SOX6: variants seen among roughly 807,000 people sequenced by gnomAD.
SOX6 encodes the protein transcription factor SOX-6.
SOX6 carries 11 observed loss-of-function variants against 97.8 expected under a neutral mutation model. That is an observed-to-expected ratio of 0.11 (90% CI 0.07 to 0.19). The LOEUF is 0.19. Ranked by LOEUF, SOX6 falls within the 10% of genes least tolerant of loss-of-function variation. The pLI is 1.00. For synonymous variants in SOX6, 360 were observed against 371.4 expected (o/e 0.97, Z 0.35); for missense variants, 810 against 1,039.5 (o/e 0.78, Z 3.04).
chr11:16,104,096 T>C (rs971986541), intron 7 of SOX6, among the ~76,000 whole-genome samples: 19 of 152,010 alleles, frequency 1.2e-4, no homozygotes, highest in African/African-American at 2.4e-4. Flanking sequence ...GTTAAGATTA[T>C]AGACCTTTAA....
chr11:16,006,440 A>G (rs1394872210), intron 13 of SOX6, among the ~76,000 whole-genome samples: 1 of 152,098 alleles, frequency 6.6e-6, no homozygotes, highest in African/African-American at 2.4e-5. Flanking sequence ...AAGTGTGTGC[A>G]AGGCTTTGTG....
intron 15 of SOX6, among the ~76,000 whole-genome samples, chr11:15,979,562 C>T (rs946991423): frequency 2.6e-5 from 4 of 152,262 alleles, no homozygotes; most frequent in African/African-American, 7.2e-5. Context: ...CTTTTCATAA[C>T]TTGGTTCCTT....
chr11:16,644,323 C>T (rs1314945494), intron 3 of SOX6, among the ~76,000 whole-genome samples: 1 of 152,106 alleles, frequency 6.6e-6, no homozygotes, highest in Non-Finnish European at 1.5e-5. Flanking sequence ...TACATATCAC[C>T]CACCATACCT....
intron 1 of SOX6, among the ~76,000 whole-genome samples, chr11:16,737,496 G>T (rs1029879370): frequency 1.3e-5 from 2 of 150,942 alleles, no homozygotes; most frequent in Admixed American, 6.6e-5. Context: ...CTGAGCCATG[G>T]CGCCAGGCCT....
intron 1 of SOX6, among the ~76,000 whole-genome samples, chr11:16,475,453 G>T (rs1169673431): frequency 6.6e-6 from 1 of 151,992 alleles, no homozygotes; most frequent in Non-Finnish European, 1.5e-5. Context: ...GTTATTAATT[G>T]GCCCAATTTC....
chr11:16,090,966 G>A (rs1482708848), intron 9 of SOX6, among the ~76,000 whole-genome samples: 1 of 152,026 alleles, frequency 6.6e-6, no homozygotes, highest in Non-Finnish European at 1.5e-5. Flanking sequence ...TAAGAACCCT[G>A]AGAATGTATA....
At chr11:16,275,699 T>C (rs1330777991) in intron 3 of SOX6, among the ~76,000 whole-genome samples, 2 of 152,164 alleles carry the variant, frequency 1.3e-5, no homozygotes, top group Non-Finnish European at 2.9e-5. Context: ...GAGATAGCAA[T>C]AGAGTTGGAA....
intron 4 of SOX6, among the ~76,000 whole-genome samples, chr11:16,586,512 T>C (rs951763739): frequency 1.3e-5 from 2 of 152,050 alleles, no homozygotes; most frequent in Non-Finnish European, 2.9e-5. Flanking sequence ...AGAAAAAAGA[T>C]AGCCTGGGCA....
chr11:16,354,383 T>C (rs150551254), intron 1 of SOX6, among the ~76,000 whole-genome samples: 27 of 152,064 alleles, frequency 1.8e-4, no homozygotes, highest in Middle Eastern at 6.8e-3. Flanking sequence ...TAAATAAAAA[T>C]TCCACGGAAT....
chr11:16,315,600 A>G (rs1281414779), intron 3 of SOX6: 1 of 152,196 alleles, frequency 6.6e-6, no homozygotes, highest in East Asian at 1.9e-4. Flanking sequence ...TAGATCAGTT[A>G]CTATCTTCCA....
chr11:16,532,727 A>T (rs1861254442), intron 4 of SOX6, among the ~76,000 whole-genome samples: 1 of 151,962 alleles, frequency 6.6e-6, no homozygotes. Context: ...TTCTGGTCTC[A>T]GTGATATAAT....
At position 16,046,608 on chromosome 11, in the gene SOX6, A is replaced by G. The variant is rs1590157161; in HGVS notation, c.1529T>C (p.Ile510Thr). ...CTGTTGCTGCTGTTGCTCCCGCTGGATCTGCTCTCGCATCTTCCGCGCCTC... is the reference window on the plus strand; with the variant it reads ...CTGTTGCTGCTGTTGCTCCCGCTGGGTCTGCTCTCGCATCTTCCGCGCCTC... ...IQEARKMREQ[I>T]QREQQQQQPH... The change falls in exon 12 of 16, where the codon ATC (isoleucine) becomes ACC (threonine). Residue 510 changes from isoleucine to threonine, a missense_variant. Ile to Thr is a moderately conservative substitution (Grantham distance 89). This residue lies in a region of SOX6 where 120 missense variants were observed against 127.0 expected (regional missense o/e 0.94). Transcript: ENST00000683767. 3 of 1,613,644 alleles carry G rather than the reference A, an allele frequency of 1.9e-6. No homozygotes were observed. Among genetic ancestry groups the G allele is most frequent in the Admixed American group, 3.3e-5 (2 of 59,932 alleles).
At chr11:16,211,721 CCA>C (rs1206038068) in intron 4 of SOX6, among the ~76,000 whole-genome samples, 2 of 152,108 alleles carry the variant, frequency 1.3e-5, no homozygotes, top group African/African-American at 4.8e-5. Context: ...CTCCTGTTCT[CCA>C]CAGTGTCTCA....
intron 3 of SOX6, among the ~76,000 whole-genome samples, chr11:16,660,675 C>T (rs570873543): frequency 6.6e-6 from 1 of 152,242 alleles, no homozygotes; most frequent in Non-Finnish European, 1.5e-5. Context: ...AGGTGGGGCT[C>T]TTTAGGAGAT....
chr11:16,578,140 C>G (rs1457411203), intron 4 of SOX6, among the ~76,000 whole-genome samples: 1 of 152,020 alleles, frequency 6.6e-6, no homozygotes, highest in Non-Finnish European at 1.5e-5. Flanking sequence ...ATGGGGATAC[C>G]TAGTTGTCTT....
At chr11:16,503,255 GA>G (rs796283151) in intron 4 of SOX6, among the ~76,000 whole-genome samples, 6,077 of 137,956 alleles carry the variant, frequency 0.044, 170 homozygotes, top group South Asian at 0.059. Context: ...CTACCACCAT[GA>G]AAAAAAAAAA....
intron 1 of SOX6, among the ~76,000 whole-genome samples, chr11:16,364,471 A>G (rs1405092138): frequency 6.6e-6 from 1 of 152,148 alleles, no homozygotes; most frequent in Non-Finnish European, 1.5e-5. Context: ...CAGAGGTTGC[A>G]CAAGAGCACT....
At chr11:15,994,361 C>A (rs1590115715) in intron 13 of SOX6, among the ~76,000 whole-genome samples, 1 of 140,236 alleles carries the variant, frequency 7.1e-6, no homozygotes, top group African/African-American at 2.7e-5. Flanking sequence ...TGAGGAAAGG[C>A]ACAGGGTTAT....
intron 1 of SOX6, among the ~76,000 whole-genome samples, chr11:16,463,779 T>C (rs749142768): frequency 6.6e-6 from 1 of 152,230 alleles, no homozygotes; most frequent in Non-Finnish European, 1.5e-5. Flanking sequence ...ATTCTAACAG[T>C]CTTATATATA....
Sources: gnomAD v4.1 joint callset for allele counts (sites outside exome capture counted in the v4.1 genomes callset) on GRCh38, gnomAD v4.1.1 for gene constraint, gnomAD v4.1.1 regional missense constraint, MANE v1.5 for transcripts, NCBI Gene and HGNC (gene_info 2026-07-23, HGNC 2026-07-21) for gene names.